The following INSL6 variants were observed in gnomAD, a reference collection of about 807,000 sequenced individuals.
INSL6 encodes the protein insulin like 6.
In INSL6, 16 loss-of-function variants were observed where a neutral mutation model predicts 9.4. That is an observed-to-expected ratio of 1.70 (90% CI 1.15 to 2.59). The LOEUF (loss-of-function observed/expected upper bound fraction) is 2.59, where lower values mean the gene tolerates loss of function less well. INSL6 is among the 30% of genes most tolerant of loss of function. INSL6 has a pLI of 0.00. For synonymous variants in INSL6, 154 were observed against 96.9 expected (o/e 1.59, Z -3.46); for missense variants, 391 against 257.3 (o/e 1.52, Z -3.56).
chr9:5,142,850 C>G (rs1007485300), intron 2 of INSL6, among the ~76,000 whole-genome samples: 1 of 152,080 alleles, frequency 6.6e-6, no homozygotes, highest in Non-Finnish European at 1.5e-5. Context: ...ATATACGGCT[C>G]TTGTTATTTT....
the INSL6 span, among the ~76,000 whole-genome samples, chr9:5,063,797 G>A: frequency 5.9e-5 from 9 of 151,960 alleles, no homozygotes; most frequent in Non-Finnish European, 1.2e-4. Context: ...AATATAATAC[G>A]TCTATATATT....
downstream of INSL6, among the ~76,000 whole-genome samples, chr9:5,121,426 T>C (rs1165107101): frequency 6.6e-6 from 1 of 152,216 alleles, no homozygotes; most frequent in Non-Finnish European, 1.5e-5. Flanking sequence ...GGAGTGACTT[T>C]GCTAATTGGC....
intron 1 of INSL6, among the ~76,000 whole-genome samples, chr9:5,171,999 G>A (rs945859835): frequency 2.0e-5 from 3 of 152,140 alleles, no homozygotes; most frequent in African/African-American, 7.2e-5. Flanking sequence ...AAAGTCGTAT[G>A]GAACCAAAAG....
At chr9:5,077,870 A>C in the INSL6 span, among the ~76,000 whole-genome samples, 4 of 152,334 alleles carry the variant, frequency 2.6e-5, no homozygotes, top group African/African-American at 9.6e-5. Flanking sequence ...ATGCAGAAGT[A>C]TGTGCTTCTG....
At chr9:5,146,345 C>T (rs1306121157) in intron 2 of INSL6, among the ~76,000 whole-genome samples, 1 of 152,110 alleles carries the variant, frequency 6.6e-6, no homozygotes, top group South Asian at 2.1e-4. Flanking sequence ...GCAGCTGCAT[C>T]GGAGTGCTAG....
the INSL6 span, chr9:5,066,570 G>C: frequency 1.5e-6 from 1 of 666,564 alleles, no homozygotes; most frequent in Non-Finnish European, 2.7e-6. Flanking sequence ...AAGTAGAGGA[G>C]ACAATTCTGA....
At chr9:5,184,854 G>A (rs1468341440) in intron 1 of INSL6, among the ~76,000 whole-genome samples, 1 of 151,910 alleles carries the variant, frequency 6.6e-6, no homozygotes, top group African/African-American at 2.4e-5. Flanking sequence ...CTGCTTTTTT[G>A]AACAAGGTAC....
chr9:5,103,032 TCA>T, the INSL6 span, among the ~76,000 whole-genome samples: 1 of 151,582 alleles, frequency 6.6e-6, no homozygotes, highest in Non-Finnish European at 1.5e-5. Flanking sequence ...AGGTTCAAAT[TCA>T]CACATAACAA....
At chr9:5,021,956 C>T in the INSL6 span, 1 of 1,524,282 alleles carries the variant, frequency 6.6e-7, no homozygotes. Context: ...ATTGTTTTCT[C>T]TTACAGGCAA....
At chr9:5,159,510 T>A (rs1029073147), downstream of INSL6, among the ~76,000 whole-genome samples, 1 of 152,112 alleles carries the variant, frequency 6.6e-6, no homozygotes, top group Admixed American at 6.6e-5. Flanking sequence ...ACTCTACTTA[T>A]ATTAGACAAA....
the INSL6 span, among the ~76,000 whole-genome samples, chr9:5,018,286 C>T: frequency 2.9e-3 from 434 of 152,142 alleles, no homozygotes; most frequent in African/African-American, 0.01. Flanking sequence ...TTGATACTTT[C>T]GTCATCTGTT....
downstream of INSL6, among the ~76,000 whole-genome samples, chr9:5,119,073 A>G (rs1269958914): frequency 1.3e-5 from 2 of 152,166 alleles, no homozygotes; most frequent in Non-Finnish European, 2.9e-5. Flanking sequence ...ATATTTTATC[A>G]TGTTTTAAAT....
intron 3 of INSL6, chr9:5,127,004 A>C (rs562898324): frequency 1.7e-4 from 54 of 312,790 alleles, no homozygotes; most frequent in Non-Finnish European, 1.9e-4. Context: ...ATTCCTTAGC[A>C]AGGATTTTGT....
At chr9:5,100,156 A>G in the INSL6 span, 1 of 152,172 alleles carries the variant, frequency 6.6e-6, no homozygotes, top group Non-Finnish European at 1.5e-5. Context: ...CCTACTGACT[A>G]TTCTCAAATT....
intron 2 of INSL6, among the ~76,000 whole-genome samples, chr9:5,135,169 A>C (rs1824367954): frequency 6.6e-6 from 1 of 152,184 alleles, no homozygotes; most frequent in Non-Finnish European, 1.5e-5. Context: ...ATACAGGAGC[A>C]CCCAGATCCA....
the INSL6 span, among the ~76,000 whole-genome samples, chr9:5,048,702 A>C: frequency 1.3e-5 from 2 of 152,186 alleles, no homozygotes; most frequent in Non-Finnish European, 1.5e-5. Context: ...AATATCTTCT[A>C]TATTTTATTA....
the INSL6 span, chr9:5,111,150 A>G: frequency 3.4e-6 from 3 of 889,276 alleles, no homozygotes; most frequent in Non-Finnish European, 3.5e-6. Flanking sequence ...AAGGCGCTCA[A>G]CTTGCTGAGT....
the INSL6 span, chr9:5,090,813 G>C: frequency 6.2e-7 from 1 of 1,613,572 alleles, no homozygotes. Context: ...TGGAGAACGA[G>C]AACAGAGTTA....
intron 2 of INSL6, among the ~76,000 whole-genome samples, chr9:5,139,186 G>A (rs867790036): frequency 1.6e-4 from 24 of 152,172 alleles, no homozygotes; most frequent in South Asian, 8.3e-4. Context: ...TAAAAATGCT[G>A]CCTTTTAAAA....
Sources: allele counts gnomAD v4.1 joint callset (sites outside exome capture counted in the v4.1 genomes callset), GRCh38; gene constraint gnomAD v4.1.1; transcripts MANE v1.5; gene names NCBI Gene and HGNC (gene_info 2026-07-23, HGNC 2026-07-21).